Variants in RP1L1 observed in about 807,000 individuals in gnomAD.
RP1L1 encodes retinitis pigmentosa 1-like 1 protein.
In RP1L1, 27 loss-of-function variants were observed where a neutral mutation model predicts 15.7. That is an observed-to-expected ratio of 1.72 (90% confidence interval 1.27 to 2.38). The LOEUF is 2.38. Ranked by LOEUF, RP1L1 falls within the 30% of genes most tolerant of loss-of-function variation. RP1L1 has a pLI of 0.00. For missense variants in RP1L1, 4,798 were observed against 3,075.9 expected (o/e 1.56, Z -13.24); for synonymous variants, 1,813 against 1,276.7 (o/e 1.42, Z -8.96).
chr8:10,607,331 C>T lies in RP1L1; in HGVS notation c.6767G>A (p.Ser2256Asn), dbSNP rs1797721410. 8.1e-6 allele frequency: 13 copies of T among 1,614,204 alleles called. No homozygotes were observed. The highest frequency in any genetic ancestry group is 1.1e-5 in the Non-Finnish European group (13 of 1,180,044). The change falls in exon 4 of 4, where the codon AGT becomes AAT. Residue 2256 changes from serine (S) to asparagine (N), a missense_variant. By Grantham distance (46) the Ser-to-Asn change is conservative. Transcript: ENST00000382483. ...QGEKKGSPQV[S>N]LGDGQSEEAS... is the part of the protein sequence containing the mutation. Reference sequence around the variant, plus strand: ...CTCCTCAGATTGGCCATCTCCTAGACTGACCTGAGGGCTCCCCTTTTTCTC... The same window carrying T: ...CTCCTCAGATTGGCCATCTCCTAGATTGACCTGAGGGCTCCCCTTTTTCTC...
Position 10,612,351 on chromosome 8 carries a change from A to G in RP1L1, c.1747T>C (p.Ser583Pro). ...DPASPALSLSSLRSDDLQAET... is the reference protein window; with the variant it reads ...DPASPALSLSPLRSDDLQAET... ...GCCTGCAGGTCGTCACTCCTTAAAG[A>G]TGAAAGACTCAGGGCTGGAGAAGCG... is the stretch of plus-strand genomic sequence containing the variant. The change falls in exon 4 of 4, where the codon TCT becomes CCT. Residue 583 changes from serine (S) to proline (P), a missense_variant. Ser to Pro is a moderately conservative substitution (Grantham distance 74). Transcript: ENST00000382483. 4 of 1,613,108 alleles carry G rather than the reference A, an allele frequency of 2.5e-6. No individual in the cohort carries two copies. In the African/African-American group the frequency reaches 5.3e-5, roughly 21 times the overall value.
chr8:10,646,225 C>T (rs1042180947), intron 1 of RP1L1, among the ~76,000 whole-genome samples: 4 of 152,208 alleles, frequency 2.6e-5, no homozygotes, highest in Non-Finnish European at 4.4e-5. Context: ...TGTCACCACA[C>T]ACTCCTGAAG....
At position 10,612,078 on chromosome 8, in the gene RP1L1, T is replaced by C. The variant is rs372145840; in HGVS notation, c.2020A>G (p.Thr674Ala). 10 of 1,613,684 alleles carry C rather than the reference T, an allele frequency of 6.2e-6. No individual in the cohort carries two copies. The African/African-American group carries it at 1.3e-4, about 22-fold the overall frequency. ...ACAGAGGAGTCCAGTGGGCTGTGGG[T>C]GTCCTTGCGGTAGTGAGAATGCCTG... ...HPRHSHYRKDTHSPLDSSVTK... is the reference protein window; with the variant it reads ...HPRHSHYRKDAHSPLDSSVTK... Residue 674 changes from threonine to alanine, a missense_variant, in exon 4 of 4, where the codon ACC becomes GCC. Transcript: ENST00000382483.
chr8:10,623,904 C>A (rs1341295076), intron 1 of RP1L1, among the ~76,000 whole-genome samples: 1 of 151,756 alleles, frequency 6.6e-6, no homozygotes, highest in Non-Finnish European at 1.5e-5. Flanking sequence ...CCTCCATGTC[C>A]CCAGCATCAC....
intron 2 of RP1L1, among the ~76,000 whole-genome samples, 183 bp downstream of exon 2, chr8:10,622,410 C>T (rs1798074752): frequency 1.3e-5 from 2 of 150,116 alleles, no homozygotes; most frequent in South Asian, 4.2e-4. Flanking sequence ...TACCTAAAAA[C>T]ATGAATCACA....
rs769602264 is a variant in RP1L1, at chr8:10,608,313, C to A, written c.5785G>T (p.Gly1929Trp). 4 of 1,613,598 alleles carry A rather than the reference C, an allele frequency of 2.5e-6. No homozygotes were observed. In the African/African-American group the frequency reaches 4.0e-5, roughly 16 times the overall value. The change falls in exon 4 of 4, where the codon GGG becomes TGG. Residue 1929 changes from glycine (G) to tryptophan (W), a missense_variant. Transcript: ENST00000382483. ...TESVEALETE[G>W]EDEPESEGAE... ...CCTTCTGACTCTGGCTCGTCCTCCC[C>A]TTCAGTCTCCAGGGCCTCTACACTT...
rs149443174 is a variant in RP1L1, at chr8:10,626,330, G to A, written c.-19-3110C>T. Reference sequence around the variant, plus strand: ...GAGGGCTGAGCAGGGAGAGGGACAGGGCTGCTGCGAGACCTTGAAGGGCTG... The same window carrying A: ...GAGGGCTGAGCAGGGAGAGGGACAGAGCTGCTGCGAGACCTTGAAGGGCTG... On this transcript the variant is annotated intron_variant, in intron 1 of 3. Transcript: ENST00000382483. 1.1e-4 allele frequency among the ~76,000 whole-genome samples: 16 copies of A among 152,300 alleles called. No homozygotes were observed. The East Asian group carries it at 2.9e-3, about 28-fold the overall frequency.
intron 1 of RP1L1, among the ~76,000 whole-genome samples, chr8:10,651,220 C>T (rs937168549): frequency 3.7e-4 from 56 of 152,272 alleles, no homozygotes; most frequent in African/African-American, 1.3e-3. Context: ...GGCCTGGGAA[C>T]GTCTTACAAA....
At chr8:10,654,210 G>C (rs924715598) in intron 1 of RP1L1, among the ~76,000 whole-genome samples, 1 of 152,140 alleles carries the variant, frequency 6.6e-6, no homozygotes, top group Admixed American at 6.5e-5. Flanking sequence ...GCCGCTGGGG[G>C]GATGTCATTA....
At chr8:10,622,292 C>T (rs1306505647) in intron 2 of RP1L1, among the ~76,000 whole-genome samples, 1 of 150,558 alleles carries the variant, frequency 6.6e-6, no homozygotes, top group Non-Finnish European at 1.5e-5. Flanking sequence ...TGTACTGCAG[C>T]CTGGGTGACA....
rs567145237 is a variant in RP1L1 at position 10,612,781 on chromosome 8, G to A, written c.1317C>T (p.Gly439=). Reference sequence around the variant, plus strand: ...ATCTCTCCCTCCCGGCAGTCCCGTGGCCCCACAGGCCACTGCAGCGGACGT... The same window carrying A: ...ATCTCTCCCTCCCGGCAGTCCCGTGACCCCACAGGCCACTGCAGCGGACGT... ...AQHVRCSGLW[G]HGTAGRERCS... Residue 439 remains glycine (G), a synonymous_variant, in exon 4 of 4, where the codon GGC becomes GGT. Transcript: ENST00000382483. 2.5e-6 allele frequency: 4 copies of A among 1,610,134 alleles called. No individual in the cohort carries two copies. Among genetic ancestry groups the A allele is most frequent in the Non-Finnish European group, 3.4e-6 (4 of 1,179,934 alleles).
chr8:10,618,636 G>A (rs1454785154), intron 2 of RP1L1, among the ~76,000 whole-genome samples: 1 of 152,158 alleles, frequency 6.6e-6, no homozygotes, highest in African/African-American at 2.4e-5. Flanking sequence ...AGGCTGCAAT[G>A]AGCTGAGATT....
At chr8:10,642,795 G>C (rs1002179335) in intron 1 of RP1L1, among the ~76,000 whole-genome samples, 13 of 152,316 alleles carry the variant, frequency 8.5e-5, no homozygotes, top group African/African-American at 2.9e-4. Context: ...CAAAAGAGCA[G>C]AGAATGTGTG....
chr8:10,626,133 C>T (rs769277186), intron 1 of RP1L1, among the ~76,000 whole-genome samples: 1 of 152,068 alleles, frequency 6.6e-6, no homozygotes. Flanking sequence ...AGGGAGGAAA[C>T]AGTTTTGTTG....
At chr8:10,626,341 G>C (rs1451408527) in intron 1 of RP1L1, among the ~76,000 whole-genome samples, 1 of 152,208 alleles carries the variant, frequency 6.6e-6, no homozygotes, top group African/African-American at 2.4e-5. Context: ...GCTGCTGCGA[G>C]ACCTTGAAGG....
At chr8:10,624,195 C>A (rs1798120835) in intron 1 of RP1L1, among the ~76,000 whole-genome samples, 1 of 152,200 alleles carries the variant, frequency 6.6e-6, no homozygotes, top group South Asian at 2.1e-4. Flanking sequence ...CTCATCACTC[C>A]CTCTCTCATG....
At position 10,611,211 on chromosome 8, in the gene RP1L1, T is replaced by C; in HGVS notation, c.2887A>G (p.Asn963Asp). Reference protein sequence around the residue: ...PEAVVREWLDNIPEEPILMTY... With the variant: ...PEAVVREWLDDIPEEPILMTY... ...ATGAGTATGGGCTCTTCTGGAATGT[T>C]GTCCAGCCATTCGCGGACCACAGCC... The change falls in exon 4 of 4, where the codon AAC becomes GAC. Residue 963 changes from asparagine (N) to aspartate (D), a missense_variant. Coordinates refer to ENST00000382483, the MANE Select transcript of RP1L1 (RefSeq NM_178857.6). 1 of 1,613,020 alleles carries C rather than the reference T, an allele frequency of 6.2e-7. No individual in the cohort carries two copies. Among genetic ancestry groups the C allele is most frequent in the Middle Eastern group, 1.6e-4 (1 of 6,062 alleles).
At position 10,609,131 on chromosome 8, in the gene RP1L1, A is replaced by C. The variant is rs2117194820; in HGVS notation, c.4967T>G (p.Phe1656Cys). 2.5e-6 allele frequency: 4 copies of C among 1,613,564 alleles called. No homozygotes were observed. Among genetic ancestry groups the C allele is most frequent in the Non-Finnish European group, 2.5e-6 (3 of 1,179,778 alleles). ...CCTCACGCAGGCCTCGCAGGGACAGAACTCCTCCCCCTCCGCCTCCTCGCC... is the reference window on the plus strand; with the variant it reads ...CCTCACGCAGGCCTCGCAGGGACAGCACTCCTCCCCCTCCGCCTCCTCGCC... ...QLGEEAEGEE[F>C]CPCEACVRKK... The change falls in exon 4 of 4, where the codon TTC (phenylalanine) becomes TGC (cysteine). Residue 1656 changes from phenylalanine to cysteine, a missense_variant. Transcript: ENST00000382483.
intron 1 of RP1L1, among the ~76,000 whole-genome samples, chr8:10,653,703 C>G (rs1798596891): frequency 6.6e-6 from 1 of 152,172 alleles, no homozygotes; most frequent in African/African-American, 2.4e-5. Context: ...AAACGGCAAC[C>G]AGCTCTCCTC....
Sources: gnomAD v4.1 joint callset for allele counts (sites outside exome capture counted in the v4.1 genomes callset) on GRCh38, gnomAD v4.1.1 for gene constraint, MANE v1.5 for transcripts, NCBI Gene and HGNC (gene_info 2026-07-23, HGNC 2026-07-21) for gene names.